The following TMEM232 variants were observed in gnomAD, a reference collection of about 807,000 sequenced individuals.
The protein encoded by TMEM232 is transmembrane protein 232.
TMEM232 carries 80 observed loss-of-function variants against 78.8 expected under a neutral mutation model. The ratio of observed to expected loss-of-function variants is 1.01; its 90% CI spans 0.85 to 1.22. The LOEUF is 1.22. Among genes scored for constraint, TMEM232 ranks in the 50% most tolerant of loss-of-function variants. The pLI is 0.00. For missense variants in TMEM232, 881 were observed against 742.2 expected, an observed-to-expected ratio of 1.19 and a Z score of -2.17; for synonymous variants, 297 against 254.3, an observed-to-expected ratio of 1.17 and a Z score of -1.60.
At chr5:110,441,269 G>T (rs981831021) in intron 12 of TMEM232, among the ~76,000 whole-genome samples, 1 of 152,108 alleles carries the variant, frequency 6.6e-6, no homozygotes, top group African/African-American at 2.4e-5. Context: ...GATAATCGAA[G>T]ATTTCTATTG....
intron 12 of TMEM232, among the ~76,000 whole-genome samples, chr5:110,442,447 T>C (rs1414670601): frequency 1.3e-5 from 2 of 152,142 alleles, no homozygotes; most frequent in East Asian, 3.9e-4. Flanking sequence ...ATTGATCAAC[T>C]CCAGAATCTC....
intron 4 of TMEM232, among the ~76,000 whole-genome samples, chr5:110,639,070 G>A (rs1393139295): frequency 6.6e-6 from 1 of 152,120 alleles, no homozygotes; most frequent in Non-Finnish European, 1.5e-5. Flanking sequence ...GGGACTTGAG[G>A]AAAGAAGAAC....
chr5:110,714,592 T>C (rs1242825468), intron 1 of TMEM232, among the ~76,000 whole-genome samples: 1 of 152,152 alleles, frequency 6.6e-6, no homozygotes, highest in Admixed American at 6.6e-5. Context: ...GTTGACACAA[T>C]GTCCAATACA....
intron 12 of TMEM232, among the ~76,000 whole-genome samples, chr5:110,524,072 G>T (rs530333866): frequency 1.5e-4 from 23 of 150,990 alleles, no homozygotes; most frequent in Non-Finnish European, 3.0e-4. Flanking sequence ...CGACCAGCCT[G>T]ACCAATATGG....
In TMEM232 at chr5:110,403,569, T is replaced by C. The variant is rs565535218; in HGVS notation, n.309-5715A>G. On this transcript the variant is annotated intron_variant and non_coding_transcript_variant, in intron 2 of 8. Transcript: ENST00000507188. Reference sequence around the variant, plus strand: ...TATATCAGAAGATATCTAAAGCTTGTGATGCTGCAGACCTGCTGCAAAGAT... The same window carrying C: ...TATATCAGAAGATATCTAAAGCTTGCGATGCTGCAGACCTGCTGCAAAGAT... Among the ~76,000 whole-genome samples the C allele has an allele frequency of 1.6e-3, 242 of 152,202 alleles. 1 individual carries two copies. Among genetic ancestry groups the C allele is most frequent in the African/African-American group, 4.7e-3 (194 of 41,562 alleles).
At chr5:110,397,724 C>T (rs1228712260) in intron 3 of TMEM232, 1 of 152,508 alleles carries the variant, frequency 6.6e-6, no homozygotes, top group Non-Finnish European at 1.5e-5. Context: ...TCTGTTCTTT[C>T]TGTTAAAGTA....
intron 5 of TMEM232, among the ~76,000 whole-genome samples, chr5:110,637,975 AT>A (rs1786109529): frequency 6.6e-6 from 1 of 152,016 alleles, no homozygotes; most frequent in Admixed American, 6.6e-5. Context: ...ATGAAATGTT[AT>A]TTTCTTATAT....
At chr5:110,524,443 A>G (rs151127823) in intron 12 of TMEM232, among the ~76,000 whole-genome samples, 32 of 150,498 alleles carry the variant, frequency 2.1e-4, no homozygotes, top group African/African-American at 7.3e-4. Flanking sequence ...AAGAAAAGAA[A>G]GGAAAGAAAG....
intron 12 of TMEM232, among the ~76,000 whole-genome samples, chr5:110,515,689 A>G (rs1768514540): frequency 6.6e-6 from 1 of 152,128 alleles, no homozygotes; most frequent in Admixed American, 6.5e-5. Flanking sequence ...AACCTATTTC[A>G]TGGGGCATTA....
At chr5:110,591,772 T>A (rs977429900) in intron 10 of TMEM232, among the ~76,000 whole-genome samples, 2 of 152,156 alleles carry the variant, frequency 1.3e-5, no homozygotes, top group African/African-American at 2.4e-5. Flanking sequence ...CAGATCTGGG[T>A]TTTTTTCACT....
chr5:110,417,172 A>T (rs1031078548), downstream of TMEM232, among the ~76,000 whole-genome samples: 1 of 152,212 alleles, frequency 6.6e-6, no homozygotes, highest in Non-Finnish European at 1.5e-5. Flanking sequence ...AGCATAAATG[A>T]TAAAACAGCA....
intron 1 of TMEM232, among the ~76,000 whole-genome samples, chr5:110,697,018 G>A (rs1203634097): frequency 6.6e-6 from 1 of 152,152 alleles, no homozygotes; most frequent in Non-Finnish European, 1.5e-5. Context: ...GAACAAAGCT[G>A]GAGGCATCAC....
chr5:110,662,011 A>G (rs1789869495), intron 2 of TMEM232, among the ~76,000 whole-genome samples: 1 of 152,080 alleles, frequency 6.6e-6, no homozygotes, highest in Non-Finnish European at 1.5e-5. Context: ...TTTTGTTATT[A>G]GGGTGTTTGA....
chr5:110,621,263 T>C (rs542890110), intron 7 of TMEM232, among the ~76,000 whole-genome samples: 3 of 152,308 alleles, frequency 2.0e-5, no homozygotes, highest in African/African-American at 7.2e-5. Flanking sequence ...TGTGATTTAA[T>C]ACAATCATCA....
At chr5:110,437,603 G>C (rs539981777) in intron 12 of TMEM232, among the ~76,000 whole-genome samples, 4 of 151,786 alleles carry the variant, frequency 2.6e-5, no homozygotes, top group Non-Finnish European at 5.9e-5. Flanking sequence ...ATTACTACTA[G>C]TACATGCATA....
At chr5:110,620,641 TCTCTCCTCTCTCTCTCTCCTC>T (rs1783579116) in intron 7 of TMEM232, among the ~76,000 whole-genome samples, 1 of 93,692 alleles carries the variant, frequency 1.1e-5, no homozygotes, top group Non-Finnish European at 2.0e-5. Flanking sequence ...CTCTCTCTCC[TCTCTCCTCTCTCTCTCTCCTC>T]CTCTCTCTCT....
chr5:110,715,039 T>C (rs1427249432), intron 1 of TMEM232, among the ~76,000 whole-genome samples: 1 of 152,170 alleles, frequency 6.6e-6, no homozygotes, highest in Non-Finnish European at 1.5e-5. Flanking sequence ...CATATCTGTC[T>C]CTTAACAGGG....
chr5:110,607,083 C>T (rs1401519638), intron 8 of TMEM232, among the ~76,000 whole-genome samples: 1 of 151,896 alleles, frequency 6.6e-6, no homozygotes, highest in Non-Finnish European at 1.5e-5. Context: ...AGTTCAAGGT[C>T]ATCATCATTT....
chr5:110,472,987 G>A (rs143782951), intron 12 of TMEM232, among the ~76,000 whole-genome samples: 262 of 150,970 alleles, frequency 1.7e-3, no homozygotes, highest in Non-Finnish European at 2.6e-3. Context: ...AAAACATAGA[G>A]TAAATGCTAT....
Sources: gnomAD v4.1 joint callset for allele counts (sites outside exome capture counted in the v4.1 genomes callset) on GRCh38, gnomAD v4.1.1 for gene constraint, MANE v1.5 for transcripts, NCBI Gene and HGNC (gene_info 2026-07-23, HGNC 2026-07-21) for gene names.